FGF12: variants seen among roughly 807,000 people sequenced by gnomAD.
FGF12 encodes fibroblast growth factor 12B.
A neutral mutation model predicts 23.6 loss-of-function variants in FGF12; 14 were observed. That is an observed-to-expected ratio of 0.59 (90% CI 0.39 to 0.93). The LOEUF (loss-of-function observed/expected upper bound fraction) is 0.93. FGF12 is among the 40% of genes least tolerant of loss of function. FGF12 has a pLI of 0.00. For synonymous variants in FGF12, 62 were observed against 77.3 expected (o/e 0.80, Z 1.04); for missense variants, 175 against 217.8 (o/e 0.80, Z 1.24).
At chr3:192,673,911 T>C (rs1717227284) in intron 2 of FGF12, among the ~76,000 whole-genome samples, 2 of 151,322 alleles carry the variant, frequency 1.3e-5, no homozygotes, top group Admixed American at 6.6e-5. Context: ...TACCCAGTAA[T>C]GGGATTGTTG....
chr3:192,146,268 G>GT (rs1553841842), intron 5 of FGF12, among the ~76,000 whole-genome samples: 1 of 66,484 alleles, frequency 1.5e-5, no homozygotes, highest in Non-Finnish European at 4.2e-5. Flanking sequence ...TCATTAAAGT[G>GT]TATATTTTTT....
chr3:192,602,296 T>C (rs1221200599), intron 2 of FGF12, among the ~76,000 whole-genome samples: 2 of 152,044 alleles, frequency 1.3e-5, no homozygotes, highest in Non-Finnish European at 2.9e-5. Context: ...AGTAAAAAAT[T>C]AGTAGGCAAA....
intron 5 of FGF12, among the ~76,000 whole-genome samples, chr3:192,167,755 ATATATATATATATAAAATTTTT>A (rs1715274784): frequency 7.0e-5 from 2 of 28,770 alleles, no homozygotes; most frequent in African/African-American, 3.2e-4. Flanking sequence ...ATATATATAT[ATATATATATATATAAAATTTTT>A]TTTTTTTTTT....
chr3:192,168,635 ATTC>A (rs1301168291), intron 5 of FGF12, among the ~76,000 whole-genome samples: 1 of 152,222 alleles, frequency 6.6e-6, no homozygotes, highest in Non-Finnish European at 1.5e-5. Context: ...TGGCGCATAT[ATTC>A]TTCTTTGTCT....
intron 5 of FGF12, among the ~76,000 whole-genome samples, chr3:192,156,688 A>G (rs1202736855): frequency 1.3e-5 from 2 of 152,152 alleles, no homozygotes. Flanking sequence ...AAGTACATAG[A>G]GTAGGAAAAG....
intron 4 of FGF12, among the ~76,000 whole-genome samples, chr3:192,328,411 G>C (rs1363545895): frequency 6.6e-6 from 1 of 152,188 alleles, no homozygotes; most frequent in Non-Finnish European, 1.5e-5. Flanking sequence ...AGAGGCTCAG[G>C]TGAGCTTCCT....
At chr3:192,469,952 G>T (rs1177282347) in intron 2 of FGF12, among the ~76,000 whole-genome samples, 1 of 152,176 alleles carries the variant, frequency 6.6e-6, no homozygotes, top group Non-Finnish European at 1.5e-5. Context: ...GCACATATCA[G>T]ATTCTGCATA....
chr3:192,232,511 G>A lies in FGF12; in HGVS notation c.229-61855C>T, dbSNP rs1165688916. Among the ~76,000 whole-genome samples, 3 of 105,438 alleles carry A rather than the reference G, an allele frequency of 2.8e-5. No individual in the cohort carries two copies. The East Asian group carries it at 1.8e-3, about 63-fold the overall frequency. 69.2% of individuals were successfully genotyped at this position (105,438 alleles called of 152,430 possible). A position where few individuals can be genotyped will look rare whatever the true frequency, so the allele number is the denominator to read the frequency against. On this transcript the variant is annotated intron_variant, in intron 4 of 5. Transcript: ENST00000445105. ...TAATCAATGGTGGGCTCCCATGCACGTGTATTTATTTATTTATTTATTTAT... is the reference window on the plus strand; with the variant it reads ...TAATCAATGGTGGGCTCCCATGCACATGTATTTATTTATTTATTTATTTAT...
At chr3:192,166,945 T>A (rs925513000) in intron 5 of FGF12, among the ~76,000 whole-genome samples, 1 of 151,504 alleles carries the variant, frequency 6.6e-6, no homozygotes, top group East Asian at 1.9e-4. Context: ...TTAGAATGCA[T>A]TTTTTTTCCC....
intron 2 of FGF12, among the ~76,000 whole-genome samples, chr3:192,392,611 AG>A: frequency 1.8e-5 from 2 of 113,610 alleles, no homozygotes; most frequent in African/African-American, 6.6e-5. Flanking sequence ...AGAGAGAGAG[AG>A]AGAGAGAGAG....
intron 2 of FGF12, among the ~76,000 whole-genome samples, chr3:192,649,878 A>T (rs1157402973): frequency 6.6e-6 from 1 of 152,002 alleles, no homozygotes; most frequent in Non-Finnish European, 1.5e-5. Flanking sequence ...CTTATGAATT[A>T]TTTTCATACA....
At chr3:192,234,254 T>G (rs1439555046) in intron 4 of FGF12, among the ~76,000 whole-genome samples, 1 of 152,184 alleles carries the variant, frequency 6.6e-6, no homozygotes, top group Admixed American at 6.5e-5. Context: ...GCAATTCTCA[T>G]AGAGTACTTT....
intron 4 of FGF12, among the ~76,000 whole-genome samples, chr3:192,327,057 C>A (rs1433140797): frequency 6.6e-6 from 1 of 152,132 alleles, no homozygotes. Context: ...GACGTGAAGA[C>A]CTAGATTTCA....
chr3:192,599,503 C>T (rs991403713), intron 2 of FGF12, among the ~76,000 whole-genome samples: 2 of 151,978 alleles, frequency 1.3e-5, no homozygotes, highest in Non-Finnish European at 2.9e-5. Flanking sequence ...AGAATGTATA[C>T]CACAGTGCCT....
chr3:192,451,798 G>A (rs1401955774), intron 2 of FGF12, among the ~76,000 whole-genome samples: 1 of 152,082 alleles, frequency 6.6e-6, no homozygotes, highest in Non-Finnish European at 1.5e-5. Flanking sequence ...GTGTGAATTT[G>A]CTAAAATTTA....
chr3:192,175,138 G>C (rs144241644), intron 4 of FGF12, among the ~76,000 whole-genome samples: 8 of 152,272 alleles, frequency 5.3e-5, no homozygotes, highest in African/African-American at 1.4e-4. Flanking sequence ...GGGTTCTGTG[G>C]TTATAAAATG....
intron 2 of FGF12, among the ~76,000 whole-genome samples, chr3:192,546,526 A>T (rs1454751279): frequency 1.3e-5 from 2 of 151,960 alleles, no homozygotes; most frequent in African/African-American, 4.8e-5. Context: ...GATAAAGAAT[A>T]CACCAAAACC....
chr3:192,180,853 AC>A (rs1240028263), intron 4 of FGF12, among the ~76,000 whole-genome samples: 1 of 152,204 alleles, frequency 6.6e-6, no homozygotes, highest in East Asian at 1.9e-4. Context: ...GAAGGCAGAT[AC>A]ACAGGAGGTA....
intron 2 of FGF12, among the ~76,000 whole-genome samples, chr3:192,604,641 C>G (rs1241747493): frequency 6.6e-6 from 1 of 152,172 alleles, no homozygotes. Flanking sequence ...CCAGAGCAAT[C>G]TACAGATTCA....
Sources: allele counts gnomAD v4.1 joint callset (sites outside exome capture counted in the v4.1 genomes callset), GRCh38; gene constraint gnomAD v4.1.1; transcripts MANE v1.5; gene names NCBI Gene and HGNC (gene_info 2026-07-23, HGNC 2026-07-21).